DLG2: variants seen among roughly 807,000 people sequenced by gnomAD.
DLG2 encodes the protein disks large homolog 2.
Under a neutral mutation model 132.5 loss-of-function variants are expected in DLG2, and 45 were observed. The observed-to-expected ratio is 0.34, with a 90% CI of 0.27 to 0.44. The LOEUF (loss-of-function observed/expected upper bound fraction) is 0.44. Ranked by LOEUF, DLG2 falls within the 20% of genes least tolerant of loss-of-function variation. The probability of loss-of-function intolerance (pLI) is 1.00; values close to 1 mark genes in which losing one functional copy is unlikely to be tolerated. For synonymous variants in DLG2, 424 were observed against 419.6 expected (o/e 1.01, Z -0.13); for missense variants, 1,045 against 1,196.9 (o/e 0.87, Z 1.87).
chr11:84,506,407 T>C (rs1416754977), intron 7 of DLG2, among the ~76,000 whole-genome samples: 1 of 152,002 alleles, frequency 6.6e-6, no homozygotes, highest in Non-Finnish European at 1.5e-5. Context: ...AAAAGATATG[T>C]GAGGACGGAA....
chr11:84,481,967 T>A (rs2099138938), intron 7 of DLG2, among the ~76,000 whole-genome samples: 1 of 152,172 alleles, frequency 6.6e-6, no homozygotes, highest in Non-Finnish European at 1.5e-5. Flanking sequence ...AGCAGTCCCT[T>A]TCTCCGATAT....
chr11:85,049,691 CCGGG>C (rs2062705754), intron 6 of DLG2, among the ~76,000 whole-genome samples: 1 of 151,988 alleles, frequency 6.6e-6, no homozygotes, highest in Non-Finnish European at 1.5e-5. Context: ...GAAATATAAA[CCGGG>C]ACGTAAGTGA....
At chr11:84,089,826 A>G (rs1262581177) in intron 10 of DLG2, among the ~76,000 whole-genome samples, 1 of 152,226 alleles carries the variant, frequency 6.6e-6, no homozygotes, top group Non-Finnish European at 1.5e-5. Flanking sequence ...GCAAGCAGCC[A>G]TCTTTTCTGC....
intron 11 of DLG2, among the ~76,000 whole-genome samples, chr11:83,994,346 T>C (rs1217379190): frequency 2.6e-5 from 4 of 152,162 alleles, no homozygotes; most frequent in Admixed American, 2.6e-4. Flanking sequence ...ATAACCCTTT[T>C]ATTTTGTATG....
intron 6 of DLG2, among the ~76,000 whole-genome samples, chr11:84,755,102 T>C (rs577142655): frequency 2.8e-4 from 43 of 152,278 alleles, no homozygotes; most frequent in African/African-American, 1.0e-3. Flanking sequence ...AGCAGCAAGC[T>C]AGATTTAAAA....
chr11:84,030,036 CTATT>C (rs1343702251), intron 11 of DLG2, among the ~76,000 whole-genome samples: 2 of 152,040 alleles, frequency 1.3e-5, no homozygotes, highest in African/African-American at 4.8e-5. Flanking sequence ...GTATCTTTAT[CTATT>C]TGTCTCTCTC....
At chr11:83,595,545 T>G (rs1436800266) in intron 19 of DLG2, among the ~76,000 whole-genome samples, 2 of 152,216 alleles carry the variant, frequency 1.3e-5, no homozygotes, top group African/African-American at 4.8e-5. Flanking sequence ...TGACCACAAT[T>G]AAACTGAACA....
At chr11:84,231,249 A>G (rs1402767520) in intron 8 of DLG2, among the ~76,000 whole-genome samples, 1 of 152,214 alleles carries the variant, frequency 6.6e-6, no homozygotes, top group Non-Finnish European at 1.5e-5. Flanking sequence ...GCCTCAAGCT[A>G]TGATGTTAGA....
At chr11:84,912,426 G>A (rs1831793521) in intron 6 of DLG2, among the ~76,000 whole-genome samples, 1 of 152,220 alleles carries the variant, frequency 6.6e-6, no homozygotes, top group South Asian at 2.1e-4. Flanking sequence ...AAAGTGCTGG[G>A]ATTACCGGCG....
chr11:84,616,147 T>C (rs1442956886), intron 6 of DLG2, among the ~76,000 whole-genome samples: 1 of 151,972 alleles, frequency 6.6e-6, no homozygotes, highest in Admixed American at 6.6e-5. Context: ...TGGGTTGAGA[T>C]AAGAAGCACA....
intron 12 of DLG2, among the ~76,000 whole-genome samples, chr11:83,978,468 C>T (rs1349218353): frequency 1.3e-5 from 2 of 152,012 alleles, no homozygotes; most frequent in Non-Finnish European, 2.9e-5. Flanking sequence ...AGTTTATATT[C>T]CAGAAAGAAG....
chr11:85,166,809 T>G (rs2078485321), intron 4 of DLG2, among the ~76,000 whole-genome samples: 1 of 152,200 alleles, frequency 6.6e-6, no homozygotes, highest in African/African-American at 2.4e-5. Flanking sequence ...AATTATGCAG[T>G]GTTTATACAA....
chr11:85,435,952 A>G (rs1024326646), intron 3 of DLG2, among the ~76,000 whole-genome samples: 1 of 152,188 alleles, frequency 6.6e-6, no homozygotes, highest in African/African-American at 2.4e-5. Context: ...TGGTACTAGT[A>G]CCAAAACAGA....
chr11:84,028,850 A>T (rs1430195862), intron 11 of DLG2, among the ~76,000 whole-genome samples: 1 of 152,114 alleles, frequency 6.6e-6, no homozygotes, highest in African/African-American at 2.4e-5. Flanking sequence ...TTAGTACTCA[A>T]AATGATCTAA....
At chr11:83,929,287 G>A (rs896809602) in intron 15 of DLG2, among the ~76,000 whole-genome samples, 4 of 152,010 alleles carry the variant, frequency 2.6e-5, no homozygotes, top group African/African-American at 7.2e-5. Context: ...ACTCTGAATC[G>A]TTCTAAAGTC....
chr11:84,704,528 A>G (rs2059580572), intron 6 of DLG2, among the ~76,000 whole-genome samples: 1 of 151,462 alleles, frequency 6.6e-6, no homozygotes, highest in African/African-American at 2.4e-5. Context: ...ATAAGCACCT[A>G]CTATGTGTGA....
At chr11:84,775,679 A>G (rs1251415907) in intron 6 of DLG2, among the ~76,000 whole-genome samples, 1 of 152,176 alleles carries the variant, frequency 6.6e-6, no homozygotes, top group Non-Finnish European at 1.5e-5. Flanking sequence ...AAAGCTAAAT[A>G]CCACATGTTC....
At chr11:84,188,029 G>A (rs1263728886) in intron 8 of DLG2, among the ~76,000 whole-genome samples, 4 of 152,008 alleles carry the variant, frequency 2.6e-5, no homozygotes, top group African/African-American at 9.7e-5. Flanking sequence ...TATTGCTGCT[G>A]GTTTCCAGTC....
At chr11:85,131,836 C>T (rs949564510) in intron 5 of DLG2, among the ~76,000 whole-genome samples, 10 of 152,246 alleles carry the variant, frequency 6.6e-5, no homozygotes, top group Non-Finnish European at 8.8e-5. Flanking sequence ...GACATCTACA[C>T]TTAGTTAACT....
Sources: gnomAD v4.1 joint callset for allele counts (sites outside exome capture counted in the v4.1 genomes callset) on GRCh38, gnomAD v4.1.1 for gene constraint, MANE v1.5 for transcripts, NCBI Gene and HGNC (gene_info 2026-07-23, HGNC 2026-07-21) for gene names.